GRM5: variants seen among roughly 807,000 people sequenced by gnomAD.
GRM5 encodes metabotropic glutamate receptor 5.
GRM5 carries 19 observed loss-of-function variants against 83.1 expected under a neutral mutation model. That is an observed-to-expected ratio of 0.23 (90% CI 0.16 to 0.34). The LOEUF (loss-of-function observed/expected upper bound fraction) is 0.34, where lower values mean the gene tolerates loss of function less well. Among genes scored for constraint, GRM5 ranks in the 10% least tolerant of loss-of-function variants. The pLI, the probability that GRM5 is intolerant of heterozygous loss-of-function variation, is 1.00. For missense variants in GRM5, 1,160 were observed against 1,588.3 expected, an observed-to-expected ratio of 0.73 and a Z score of 4.58; for synonymous variants, 675 against 633.6, an observed-to-expected ratio of 1.07 and a Z score of -0.98.
In GRM5 at chr11:88,509,061, A is replaced by G; in HGVS notation, c.3170T>C (p.Leu1057Pro). The G allele has an allele frequency of 6.4e-7, 1 of 1,555,638 alleles. No individual in the cohort carries two copies. The change falls in exon 10 of 10, where the codon CTC (leucine) becomes CCC (proline). Residue 1057 changes from leucine to proline, a missense_variant. Coordinates refer to ENST00000305447, the MANE Select transcript of GRM5 (RefSeq NM_001143831.3). ...GACCACACTGCTGATCTGCTCCATG[A>G]GGGAGCCCTGCGAGGAGCTGCTGCG... ...VARSSSSQGS[L>P]MEQISSVVTR...
Position 88,812,238 on chromosome 11 carries a change from T to C in GRM5, c.911+37668A>G, listed in dbSNP as rs147845353. ...ATTCACATATATTGAAGTTAGCTCA[T>C]CAGGAAAAGTCATTTTAGTGATGAG... On this transcript the variant is annotated intron_variant, in intron 3 of 9. Transcript: ENST00000305447. 1.3e-4 allele frequency among the ~76,000 whole-genome samples: 20 copies of C among 152,242 alleles called. No homozygotes were observed. The East Asian group carries it at 3.3e-3, about 25-fold the overall frequency.
rs55777647 is a variant in GRM5 at position 88,522,603 on chromosome 11, CTGTGTGTGTGTGTG to C, written c.2726+2692_2726+2705del. Among the ~76,000 whole-genome samples, 537 of 127,296 alleles carry C rather than the reference CTGTGTGTGTGTGTG, an allele frequency of 4.2e-3. 6 individuals carry two copies. The highest frequency in any genetic ancestry group is 8.7e-3 in the African/African-American group (308 of 35,212). The allele number at this position is 127,296 out of a possible 152,430, so 83.5% of individuals were successfully genotyped here. On this transcript the variant is annotated intron_variant, in intron 9 of 9. Coordinates refer to ENST00000305447, the MANE Select transcript of GRM5 (RefSeq NM_001143831.3). ...TCTCTCTCTCGCTCTCTCTCTCTCT[CTGTGTGTGTGTGTG>C]TGTGTGTGTGTGTGTGTGTGTGTGT...
At chr11:88,520,206 T>A (rs908145872) in intron 9 of GRM5, among the ~76,000 whole-genome samples, 1 of 152,306 alleles carries the variant, frequency 6.6e-6, no homozygotes, top group African/African-American at 2.4e-5. Context: ...ATGGTAATCA[T>A]AGCAATGTTA....
chr11:88,644,653 T>A (rs1482925326), intron 4 of GRM5, among the ~76,000 whole-genome samples: 5 of 152,112 alleles, frequency 3.3e-5, no homozygotes, highest in Non-Finnish European at 7.4e-5. Flanking sequence ...CCCAAAGCAG[T>A]TTTGGGTTCA....
intron 2 of GRM5, among the ~76,000 whole-genome samples, chr11:89,028,659 GA>G: frequency 6.6e-6 from 1 of 152,128 alleles, no homozygotes; most frequent in Non-Finnish European, 1.5e-5. Flanking sequence ...ATCACATGAC[GA>G]AAGTGTTTGG....
intron 3 of GRM5, among the ~76,000 whole-genome samples, chr11:88,758,800 C>T (rs1942450124): frequency 6.6e-6 from 1 of 152,098 alleles, no homozygotes; most frequent in African/African-American, 2.4e-5. Context: ...TCAGAATCTC[C>T]AAGGTTAAAC....
chr11:88,712,668 C>T (rs1384190777), intron 3 of GRM5, among the ~76,000 whole-genome samples: 1 of 151,918 alleles, frequency 6.6e-6, no homozygotes, highest in East Asian at 1.9e-4. Context: ...TAAAACCACA[C>T]AGAAAATAGA....
chr11:88,807,475 G>A (rs1943517115), intron 3 of GRM5, among the ~76,000 whole-genome samples: 1 of 152,064 alleles, frequency 6.6e-6, no homozygotes, highest in African/African-American at 2.4e-5. Flanking sequence ...AGAGAAACTG[G>A]TTAGGAGACT....
At chr11:88,709,955 C>T (rs1941246060) in intron 3 of GRM5, among the ~76,000 whole-genome samples, 1 of 152,116 alleles carries the variant, frequency 6.6e-6, no homozygotes, top group African/African-American at 2.4e-5. Flanking sequence ...CTGCCTCTTC[C>T]AGCTTCCTGT....
chr11:88,812,306 C>A (rs987471455), intron 3 of GRM5, among the ~76,000 whole-genome samples: 1 of 151,886 alleles, frequency 6.6e-6, no homozygotes, highest in African/African-American at 2.4e-5. Context: ...TATAGTGATA[C>A]GTCAACTGCA....
chr11:88,962,533 GATTC>G (rs1280791544), intron 2 of GRM5, among the ~76,000 whole-genome samples: 3 of 151,926 alleles, frequency 2.0e-5, no homozygotes, highest in African/African-American at 4.8e-5. Flanking sequence ...TTTAGTCACT[GATTC>G]ATTCATTTAT....
At chr11:88,922,760 C>A (rs1945714237) in intron 2 of GRM5, among the ~76,000 whole-genome samples, 1 of 151,950 alleles carries the variant, frequency 6.6e-6, no homozygotes, top group African/African-American at 2.4e-5. Flanking sequence ...TCCTTCACAG[C>A]AAAGGAAATG....
intron 3 of GRM5, among the ~76,000 whole-genome samples, chr11:88,731,992 T>A (rs1248756701): frequency 6.6e-6 from 1 of 151,998 alleles, no homozygotes; most frequent in Non-Finnish European, 1.5e-5. Context: ...GTAAGATTTG[T>A]CCAGAGTCTC....
At chr11:88,826,660 T>C (rs1197074012) in intron 3 of GRM5, among the ~76,000 whole-genome samples, 2 of 152,040 alleles carry the variant, frequency 1.3e-5, no homozygotes, top group South Asian at 2.1e-4. Flanking sequence ...ATAATGCCCA[T>C]AAAAAGCATT....
chr11:88,531,177 C>T (rs959159893), intron 8 of GRM5, among the ~76,000 whole-genome samples: 2 of 152,110 alleles, frequency 1.3e-5, no homozygotes, highest in Non-Finnish European at 2.9e-5. Context: ...TGCTGACCTC[C>T]ATCTCTGTGT....
At chr11:88,533,173 A>G (rs1942055070) in intron 8 of GRM5, among the ~76,000 whole-genome samples, 1 of 152,090 alleles carries the variant, frequency 6.6e-6, no homozygotes, top group Non-Finnish European at 1.5e-5. Flanking sequence ...ATCATGGTTT[A>G]CAAATCCCTA....
At chr11:88,557,442 G>A (rs1463504108) in intron 8 of GRM5, among the ~76,000 whole-genome samples, 6 of 152,122 alleles carry the variant, frequency 3.9e-5, no homozygotes, top group Non-Finnish European at 8.8e-5. Context: ...ATGCTGGGGA[G>A]GTAGCCATGA....
intron 2 of GRM5, among the ~76,000 whole-genome samples, chr11:89,005,685 A>G (rs1250758108): frequency 2.0e-5 from 3 of 152,182 alleles, no homozygotes; most frequent in African/African-American, 7.2e-5. Flanking sequence ...TGTGCCTGGC[A>G]TTTAGGAGGT....
chr11:89,040,222 C>T (rs1457806407), intron 2 of GRM5, among the ~76,000 whole-genome samples: 1 of 151,960 alleles, frequency 6.6e-6, no homozygotes, highest in Non-Finnish European at 1.5e-5. Flanking sequence ...AGTTATCTTA[C>T]TTTTAGCACA....
Sources: allele counts gnomAD v4.1 joint callset (sites outside exome capture counted in the v4.1 genomes callset), GRCh38; gene constraint gnomAD v4.1.1; transcripts MANE v1.5; gene names NCBI Gene and HGNC (gene_info 2026-07-23, HGNC 2026-07-21).